LRRTM4: variants seen among roughly 807,000 people sequenced by gnomAD.
The protein encoded by LRRTM4 is leucine rich repeat transmembrane neuronal 4, also known as leucine-rich repeat transmembrane neuronal protein 4.
Under a neutral mutation model 47.6 loss-of-function variants are expected in LRRTM4, and 25 were observed. The ratio of observed to expected loss-of-function variants is 0.53; its 90% CI spans 0.38 to 0.73. The LOEUF (loss-of-function observed/expected upper bound fraction) is 0.73. Among genes scored for constraint, LRRTM4 ranks in the 30% least tolerant of loss-of-function variants. The pLI is 0.00. For synonymous variants in LRRTM4, 311 were observed against 269.5 expected (o/e 1.15, Z -1.51); for missense variants, 638 against 713.4 (o/e 0.89, Z 1.20).
At chr2:77,331,556 T>C (rs1368324134) in intron 3 of LRRTM4, among the ~76,000 whole-genome samples, 1 of 152,224 alleles carries the variant, frequency 6.6e-6, no homozygotes, top group Non-Finnish European at 1.5e-5. Context: ...ACATAGCTTA[T>C]GAACATATCT....
chr2:77,086,987 A>C (rs1392779415), intron 3 of LRRTM4, among the ~76,000 whole-genome samples: 1 of 150,458 alleles, frequency 6.6e-6, no homozygotes. Flanking sequence ...CAACCTTTTA[A>C]ACCTTGTAGC....
chr2:77,260,702 AT>A (rs71723846), intron 3 of LRRTM4, among the ~76,000 whole-genome samples: 18,687 of 151,970 alleles, frequency 0.12, 3,854 homozygotes, highest in African/African-American at 0.42. Flanking sequence ...AAAACATAGC[AT>A]TTTTCATAGG....
chr2:77,148,417 T>G (rs184480662), intron 3 of LRRTM4, among the ~76,000 whole-genome samples: 1 of 152,292 alleles, frequency 6.6e-6, no homozygotes, highest in East Asian at 1.9e-4. Flanking sequence ...CCTCTCCAAA[T>G]TTCATCATTC....
At chr2:77,276,623 A>G (rs987251302) in intron 3 of LRRTM4, among the ~76,000 whole-genome samples, 2 of 146,346 alleles carry the variant, frequency 1.4e-5, no homozygotes, top group African/African-American at 5.0e-5. Flanking sequence ...TTATAGAACC[A>G]AATATAGCCT....
At chr2:77,260,407 G>A (rs7609271) in intron 3 of LRRTM4, among the ~76,000 whole-genome samples, 8,784 of 151,248 alleles carry the variant, frequency 0.058, 921 homozygotes, top group African/African-American at 0.2. Context: ...GTGTGTGTGT[G>A]TGTGTGTAGA....
intron 3 of LRRTM4, among the ~76,000 whole-genome samples, chr2:76,879,191 T>G (rs1672859600): frequency 6.6e-6 from 1 of 152,204 alleles, no homozygotes; most frequent in Admixed American, 6.5e-5. Flanking sequence ...ACAGTAGGTT[T>G]TCAGTGTAGA....
intron 3 of LRRTM4, among the ~76,000 whole-genome samples, chr2:77,347,974 C>T (rs957134134): frequency 4.6e-5 from 7 of 151,060 alleles, no homozygotes; most frequent in Non-Finnish European, 1.0e-4. Context: ...ATTTGTTGAA[C>T]ATAAAAATGC....
chr2:77,481,026 C>T (rs1677682450), intron 3 of LRRTM4, among the ~76,000 whole-genome samples: 1 of 152,142 alleles, frequency 6.6e-6, no homozygotes, highest in Non-Finnish European at 1.5e-5. Flanking sequence ...TACAGAAATA[C>T]AGCACTTGCC....
intron 3 of LRRTM4, among the ~76,000 whole-genome samples, chr2:76,790,417 A>G (rs758866113): frequency 1.3e-5 from 2 of 152,142 alleles, no homozygotes; most frequent in Non-Finnish European, 2.9e-5. Context: ...CTGGACTCCT[A>G]CTGCCTAGGT....
chr2:77,446,541 C>T (rs113450980), intron 3 of LRRTM4, among the ~76,000 whole-genome samples: 10 of 152,140 alleles, frequency 6.6e-5, no homozygotes, highest in African/African-American at 9.6e-5. Flanking sequence ...GTACCATCAG[C>T]GATTTGCAAT....
intron 3 of LRRTM4, among the ~76,000 whole-genome samples, chr2:76,777,208 G>C (rs868358363): frequency 2.0e-5 from 3 of 150,726 alleles, no homozygotes; most frequent in Admixed American, 6.6e-5. Flanking sequence ...ATCCAGCTTT[G>C]TTCTTTTGGC....
At chr2:77,239,022 TA>T (rs1375162955) in intron 3 of LRRTM4, among the ~76,000 whole-genome samples, 2 of 151,676 alleles carry the variant, frequency 1.3e-5, no homozygotes, top group South Asian at 2.1e-4. Context: ...TAAAAAAATT[TA>T]AAAAATACTA....
intron 3 of LRRTM4, among the ~76,000 whole-genome samples, chr2:76,888,774 G>A (rs1434714601): frequency 6.6e-6 from 1 of 151,520 alleles, no homozygotes; most frequent in African/African-American, 2.4e-5. Context: ...TAGACATAAT[G>A]CTTAATTTTT....
chr2:76,763,910 G>C (rs1451219791), intron 3 of LRRTM4, among the ~76,000 whole-genome samples: 1 of 152,148 alleles, frequency 6.6e-6, no homozygotes, highest in Non-Finnish European at 1.5e-5. Flanking sequence ...TTTTAGAGAA[G>C]ATATAAACAA....
At chr2:77,078,738 T>A (rs907517070) in intron 3 of LRRTM4, among the ~76,000 whole-genome samples, 2 of 152,172 alleles carry the variant, frequency 1.3e-5, no homozygotes, top group Admixed American at 1.3e-4. Context: ...TGTACAAACT[T>A]CTGTTAAAAT....
chr2:77,278,262 A>G (rs987747386), intron 3 of LRRTM4, among the ~76,000 whole-genome samples: 7 of 152,044 alleles, frequency 4.6e-5, no homozygotes, highest in Non-Finnish European at 7.4e-5. Context: ...AACAGTTCTT[A>G]TAATCACCAG....
chr2:77,067,135 G>A (rs1038277999), intron 3 of LRRTM4, among the ~76,000 whole-genome samples: 1 of 152,094 alleles, frequency 6.6e-6, no homozygotes, highest in Non-Finnish European at 1.5e-5. Context: ...ACATGATGTT[G>A]GAAAATAAGC....
chr2:76,900,146 T>C (rs1340479454), intron 3 of LRRTM4, among the ~76,000 whole-genome samples: 7 of 151,972 alleles, frequency 4.6e-5, no homozygotes, highest in Middle Eastern at 3.4e-3. Context: ...AGGTGGGAGA[T>C]TGGCTTGAAT....
At chr2:76,841,765 AAAG>A (rs1363594870) in intron 3 of LRRTM4, among the ~76,000 whole-genome samples, 1 of 152,046 alleles carries the variant, frequency 6.6e-6, no homozygotes, top group African/African-American at 2.4e-5. Flanking sequence ...TATAAAAATG[AAAG>A]AAGGCAAAAT....
Sources: allele counts gnomAD v4.1 joint callset (sites outside exome capture counted in the v4.1 genomes callset), GRCh38; gene constraint gnomAD v4.1.1; transcripts MANE v1.5; gene names NCBI Gene and HGNC (gene_info 2026-07-23, HGNC 2026-07-21).